Variants in FBN3 observed in about 807,000 individuals in gnomAD.
FBN3 encodes fibrillin 3, also known as fibrillin-3.
In FBN3, 234 loss-of-function variants were observed where a neutral mutation model predicts 330.1. The observed-to-expected ratio is 0.71, with a 90% CI of 0.64 to 0.79. The LOEUF is 0.79. Ranked by LOEUF, FBN3 falls within the 30% of genes least tolerant of loss-of-function variation. The probability of loss-of-function intolerance (pLI) is 0.00; values close to 1 mark genes in which losing one functional copy is unlikely to be tolerated. For missense variants in FBN3, 3,606 were observed against 3,886.9 expected (o/e 0.93, Z 1.92); for synonymous variants, 1,458 against 1,517.3 (o/e 0.96, Z 0.91).
chr19:8,085,532 C>G lies in FBN3; in HGVS notation c.6918G>C (p.Gln2306His). 6.3e-7 allele frequency: 1 copy of G among 1,589,892 alleles called. No individual in the cohort carries two copies. Among genetic ancestry groups the G allele is most frequent in the East Asian group, 2.3e-5 (1 of 43,820 alleles). Residue 2306 changes from glutamine to histidine, a missense_variant, in exon 56 of 64, where the codon CAG becomes CAC. Coordinates refer to ENST00000600128, the MANE Select transcript of FBN3 (RefSeq NM_032447.5). ...TGCTGGACAGAGACCGGCACATGGTCTGCAGCACCTCGGCAAAGCAGGGCC... is the reference window on the plus strand; with the variant it reads ...TGCTGGACAGAGACCGGCACATGGTGTGCAGCACCTCGGCAAAGCAGGGCC... Reference protein sequence around the residue: ...RQGPCFAEVLQTMCRSLSSSS... With the variant: ...RQGPCFAEVLHTMCRSLSSSS...
chr19:8,099,437 C>T (rs904188540), intron 41 of FBN3, among the ~76,000 whole-genome samples: 4 of 151,266 alleles, frequency 2.6e-5, no homozygotes, highest in African/African-American at 4.9e-5. Flanking sequence ...CCCGCCACCA[C>T]GCCCGGCTAA....
chr19:8,081,267 G>T, intron 58 of FBN3, 91 bp downstream of exon 58: 2 of 1,505,710 alleles, frequency 1.3e-6, no homozygotes, highest in Admixed American at 1.9e-5. Flanking sequence ...ATGGGAGGGG[G>T]TGAGATTGCA....
chr19:8,128,720 C>T (rs942213868), intron 18 of FBN3, among the ~76,000 whole-genome samples: 1 of 152,088 alleles, frequency 6.6e-6, no homozygotes, highest in Admixed American at 6.5e-5. Context: ...TGTGTATACA[C>T]GGCATGTGCA....
chr19:8,065,948 T>G lies in FBN3; in HGVS notation c.8401A>C (p.Arg2801=), dbSNP rs756502273. The G allele has an allele frequency of 6.2e-7, 1 of 1,601,722 alleles. No homozygotes were observed. Among genetic ancestry groups the G allele is most frequent in the East Asian group, 2.2e-5 (1 of 44,624 alleles). ...GQPGPWGQAL[R]LKVQLQLL ...AGCAACTGCAGCTGCACCTTCAGCC[T>G]CAAGGCCTGGCCCCATGGCCCTGGC... Residue 2801 remains arginine (R), a synonymous_variant, in exon 64 of 64, where the codon AGG becomes CGG. Transcript: ENST00000600128.
At chr19:8,144,746 A>C in intron 6 of FBN3, 131 bp downstream of exon 6, 1 of 651,534 alleles carries the variant, frequency 1.5e-6, no homozygotes, top group East Asian at 2.8e-5. Context: ...AAATGTCCTC[A>C]GACTGCCCCA....
At position 8,126,733 on chromosome 19, in the gene FBN3, G is replaced by C. The variant is rs1288330705; in HGVS notation, c.2396C>G (p.Pro799Arg). ...CKCGPGSRLD[P>R]SGTFCLDSTK... Reference sequence around the variant, plus strand: ...CTCACCTAGACAGAAGGTACCAGAGGGGTCCAGCCGGCTGCCAGGGCCACA... The same window carrying C: ...CTCACCTAGACAGAAGGTACCAGAGCGGTCCAGCCGGCTGCCAGGGCCACA... Residue 799 changes from proline to arginine, a missense_variant, in exon 19 of 64, where the codon CCC (proline) becomes CGC (arginine). Pro to Arg is a moderately radical substitution (Grantham distance 103, BLOSUM62 -2). Coordinates refer to ENST00000600128, the MANE Select transcript of FBN3 (RefSeq NM_032447.5). 6.3e-7 allele frequency: 1 copy of C among 1,587,248 alleles called. No homozygotes were observed. Among genetic ancestry groups the C allele is most frequent in the Admixed American group, 1.8e-5 (1 of 55,092 alleles).
chr19:8,097,689 G>A (rs1422223472), intron 41 of FBN3, among the ~76,000 whole-genome samples: 1 of 152,180 alleles, frequency 6.6e-6, no homozygotes, highest in Non-Finnish European at 1.5e-5. Flanking sequence ...GGAAAGAAAT[G>A]GCCTTAAGCG....
At chr19:8,116,923 T>G in intron 28 of FBN3, 124 bp from the exon 29 acceptor site, 3 of 1,275,514 alleles carry the variant, frequency 2.4e-6, no homozygotes, top group Non-Finnish European at 3.3e-6. Flanking sequence ...ACTCGAGTAG[T>G]CTGGGGGCGC....
intron 51 of FBN3, among the ~76,000 whole-genome samples, chr19:8,088,899 G>A (rs1254401297): frequency 6.6e-6 from 1 of 152,074 alleles, no homozygotes; most frequent in Non-Finnish European, 1.5e-5. Flanking sequence ...GAATGAATGA[G>A]CCAGTGAATA....
At chr19:8,134,347 G>A (rs1167381216) in intron 13 of FBN3, among the ~76,000 whole-genome samples, 3 of 152,164 alleles carry the variant, frequency 2.0e-5, no homozygotes, top group Non-Finnish European at 4.4e-5. Flanking sequence ...AAGTGAAAAC[G>A]AACCAGTGTC....
intron 13 of FBN3, 25 bp downstream of exon 13, chr19:8,135,936 G>GGGGGGGGGGGGGGGGGCGCCCCC: frequency 1.5e-6 from 1 of 668,776 alleles, no homozygotes; most frequent in Non-Finnish European, 2.4e-6. Context: ...GGAAGCCCCT[G>GGGGGGGGGGGGGGGGGCGCCCCC]CCCACCCGCC....
At chr19:8,135,390 G>A (rs796172038) in intron 13 of FBN3, among the ~76,000 whole-genome samples, 3 of 151,938 alleles carry the variant, frequency 2.0e-5, no homozygotes, top group African/African-American at 7.2e-5. Context: ...CAATTCTCCT[G>A]CCTCAGCCTC....
At chr19:8,124,538 AATTT>A (rs2082934392) in intron 22 of FBN3, among the ~76,000 whole-genome samples, 1 of 96,500 alleles carries the variant, frequency 1.0e-5, no homozygotes, top group African/African-American at 5.1e-5. Flanking sequence ...GTGCCTGGCC[AATTT>A]TTTTTTTTTT....
At chr19:8,090,290 C>G (rs1302535739) in intron 48 of FBN3, 39 bp from the exon 49 acceptor site, 1 of 1,609,784 alleles carries the variant, frequency 6.2e-7, no homozygotes, top group South Asian at 1.1e-5. Flanking sequence ...TTGAAAGCCG[C>G]TGGCAGTGCC....
chr19:8,125,059 G>A (rs983218708), intron 22 of FBN3, among the ~76,000 whole-genome samples: 5 of 152,176 alleles, frequency 3.3e-5, no homozygotes, highest in African/African-American at 9.7e-5. Context: ...TGGGGAGGCT[G>A]TACGTGTGTG....
chr19:8,120,326 C>T (rs1018960873), intron 25 of FBN3, among the ~76,000 whole-genome samples: 11 of 151,612 alleles, frequency 7.3e-5, no homozygotes, highest in South Asian at 4.2e-4. Context: ...CACGCCACCA[C>T]ACCCAGCTAA....
At chr19:8,132,843 CCT>C in intron 14 of FBN3, 139 bp downstream of exon 14, 2 of 983,202 alleles carry the variant, frequency 2.0e-6, no homozygotes, top group Non-Finnish European at 1.4e-6. Flanking sequence ...CCCTCCTCCT[CCT>C]CTTTTTCTCC....
At position 8,131,191 on chromosome 19, in the gene FBN3, A is replaced by T. The variant is rs1406074803; in HGVS notation, c.2044+44T>A. ...CACCACAGCTCTCCCCACATCTGGT[A>T]GGGGCAGGCTGGCTGCTGTTTGGAG... On this transcript the variant is annotated intron_variant, in intron 16 of 63. Transcript: ENST00000600128. This position sits in a 1 kb window ranked among gnomAD's most constrained non-coding sequence, Gnocchi z 4.5. The T allele has an allele frequency of 1.0e-5, 16 of 1,576,976 alleles. No homozygotes were observed. The highest frequency in any genetic ancestry group is 1.8e-5 in the Admixed American group (1 of 54,346).
Position 8,129,072 on chromosome 19 carries a change from C to A in FBN3, c.2252G>T (p.Cys751Phe), listed in dbSNP as rs998870094. 1 of 1,613,228 alleles carries A rather than the reference C, an allele frequency of 6.2e-7. No homozygotes were observed. The highest frequency in any genetic ancestry group is 8.5e-7 in the Non-Finnish European group (1 of 1,179,946). The change falls in exon 18 of 64, where the codon TGC (cysteine) becomes TTC (phenylalanine). Residue 751 changes from cysteine (C) to phenylalanine (F), a missense_variant. By Grantham distance (205) the Cys-to-Phe change is radical. Coordinates refer to ENST00000600128, the MANE Select transcript of FBN3 (RefSeq NM_032447.5). The surrounding 1 kb of genome is among the most constrained non-coding windows in gnomAD (Gnocchi z 4.5). ...CTGCCAGAAGTGGAAGCCGGGGGGG[C>A]AGGAGCAGCTGTAGCTGCCAGGGCT... ...QNSPGSYSCS[C>F]PPGFHFWQDT... is the part of the protein sequence containing the mutation.
Sources: allele counts gnomAD v4.1 joint callset (sites outside exome capture counted in the v4.1 genomes callset), GRCh38; gene constraint gnomAD v4.1.1; non-coding constraint Gnocchi (gnomAD v3.1); transcripts MANE v1.5; gene names NCBI Gene and HGNC (gene_info 2026-07-23, HGNC 2026-07-21).